The following KIAA1549L variants were observed in gnomAD, a reference collection of about 807,000 sequenced individuals.
KIAA1549L encodes KIAA1549 like, also known as UPF0606 protein KIAA1549L.
In KIAA1549L, 88 loss-of-function variants were observed where a neutral mutation model predicts 160.7. The observed-to-expected ratio is 0.55, with a 90% CI of 0.46 to 0.65. The LOEUF is 0.65. Among genes scored for constraint, KIAA1549L ranks in the 30% least tolerant of loss-of-function variants. KIAA1549L has a pLI of 0.00. For missense variants in KIAA1549L, 2,258 were observed against 2,437.5 expected, an observed-to-expected ratio of 0.93 and a Z score of 1.55; for synonymous variants, 950 against 976.7, an observed-to-expected ratio of 0.97 and a Z score of 0.51.
At chr11:33,665,912 C>T (rs897504872) in intron 20 of KIAA1549L, among the ~76,000 whole-genome samples, 9 of 152,134 alleles carry the variant, frequency 5.9e-5, no homozygotes, top group African/African-American at 2.2e-4. Flanking sequence ...GATGCCCAGT[C>T]TTGTGCCTGG....
intron 1 of KIAA1549L, among the ~76,000 whole-genome samples, chr11:33,422,541 TC>T (rs1457545962): frequency 1.8e-5 from 1 of 55,250 alleles, no homozygotes; most frequent in Non-Finnish European, 3.3e-5. Context: ...CTTTCCCCCC[TC>T]CCCCCTTCCC....
chr11:33,667,968 C>A lies in KIAA1549L; in HGVS notation c.6255C>A (p.Asn2085Lys). The A allele has an allele frequency of 6.2e-7, 1 of 1,613,968 alleles. No individual in the cohort carries two copies. The highest frequency in any genetic ancestry group is 8.5e-7 in the Non-Finnish European group (1 of 1,179,914). The change falls in exon 21 of 21, where the codon AAC becomes AAA. Residue 2085 changes from asparagine to lysine, a missense_variant. Physicochemically the swap from Asn to Lys is moderately conservative, Grantham distance 94. Coordinates refer to ENST00000658780, the MANE Select transcript of KIAA1549L (RefSeq NM_012194.3). ...RLPRQYSQPA[N>K]LHPSLEQAPA... ...CTCGTCAGTACAGCCAGCCAGCCAA[C>A]CTGCACCCCAGCCTGGAGCAGGCCC...
chr11:33,657,944 C>T (rs1852124667), intron 18 of KIAA1549L, among the ~76,000 whole-genome samples: 2 of 152,230 alleles, frequency 1.3e-5, no homozygotes, highest in African/African-American at 4.8e-5. Flanking sequence ...AGGCCTGCTG[C>T]AGCTGTCTTT....
intron 20 of KIAA1549L, among the ~76,000 whole-genome samples, chr11:33,666,410 T>TCCCC (rs1176897596): frequency 2.0e-5 from 3 of 152,104 alleles, no homozygotes; most frequent in African/African-American, 7.2e-5. Flanking sequence ...TTGCCCAGAA[T>TCCCC]CCCCCTCCCA....
In KIAA1549L at chr11:33,547,832, A is replaced by G. The variant is rs750098190; in HGVS notation, c.3454A>G (p.Thr1152Ala). Residue 1152 changes from threonine to alanine, a missense_variant, in exon 4 of 21, where the codon ACA becomes GCA. Transcript: ENST00000658780. Reference sequence around the variant, plus strand: ...GAAGTTCAGTATCGCCAAAGGGCTCACACAGGCATTGCGGAAGGCTTTCCA... The same window carrying G: ...GAAGTTCAGTATCGCCAAAGGGCTCGCACAGGCATTGCGGAAGGCTTTCCA... ...SLKFSIAKGL[T>A]QALRKAFHQN... is the part of the protein sequence containing the mutation. 1.2e-6 allele frequency: 2 copies of G among 1,613,682 alleles called. No individual in the cohort carries two copies. The highest frequency in any genetic ancestry group is 8.5e-7 in the Non-Finnish European group (1 of 1,179,718).
chr11:33,376,260 C>A lies in KIAA1549L; in HGVS notation c.-392C>A, dbSNP rs977692009. On this transcript the variant is annotated 5_prime_UTR_variant, in exon 1 of 21. Transcript: ENST00000658780. The surrounding 1 kb of genome is among the most constrained non-coding windows in gnomAD (Gnocchi z 5.8). ...CTGCAGCGGCGGCGGGAGGGAGGGA[C>A]CCGAGCGCGCCCCGCGGCCGCCACC... Among the ~76,000 whole-genome samples, 1 of 148,302 alleles carries A rather than the reference C, an allele frequency of 6.7e-6. No homozygotes were observed. The highest frequency in any genetic ancestry group is 2.4e-5 in the African/African-American group (1 of 40,850).
At chr11:33,432,900 G>A (rs1241709810) in intron 1 of KIAA1549L, among the ~76,000 whole-genome samples, 1 of 152,132 alleles carries the variant, frequency 6.6e-6, no homozygotes, top group Non-Finnish European at 1.5e-5. Context: ...ACTGAAACTG[G>A]ACCCCTTCCT....
intron 1 of KIAA1549L, among the ~76,000 whole-genome samples, chr11:33,447,945 G>A (rs1435169442): frequency 1.3e-5 from 2 of 152,162 alleles, no homozygotes; most frequent in Non-Finnish European, 2.9e-5. Context: ...GTTCTCATGA[G>A]CAAAGGAGTG....
At position 33,574,790 on chromosome 11, in the gene KIAA1549L, C is replaced by T. The variant is rs760625170; in HGVS notation, c.4319C>T (p.Thr1440Ile). 5.6e-6 allele frequency: 9 copies of T among 1,613,890 alleles called. No individual in the cohort carries two copies. The East Asian group carries it at 2.0e-4, about 36-fold the overall frequency. Reference sequence around the variant, plus strand: ...TACAACGGGAAGCCTTTGTTGGGGACCGCAGCTGCCAAGATCCTGAGCACC... The same window carrying T: ...TACAACGGGAAGCCTTTGTTGGGGATCGCAGCTGCCAAGATCCTGAGCACC... ...TLYNGKPLLG[T>I]AAAKILSTID... The change falls in exon 10 of 21, where the codon ACC becomes ATC. Residue 1440 changes from threonine to isoleucine, a missense_variant. By Grantham distance (89) the Thr-to-Ile change is moderately conservative. Transcript: ENST00000658780.
At chr11:33,513,753 G>T (rs895377788) in intron 1 of KIAA1549L, among the ~76,000 whole-genome samples, 2 of 152,148 alleles carry the variant, frequency 1.3e-5, no homozygotes, top group Admixed American at 1.3e-4. Flanking sequence ...TTCACTCTTG[G>T]GCCAGTTGGC....
chr11:33,443,945 T>C (rs1416552156), intron 1 of KIAA1549L, among the ~76,000 whole-genome samples: 1 of 152,198 alleles, frequency 6.6e-6, no homozygotes, highest in African/African-American at 2.4e-5. Context: ...TTCTCATCTG[T>C]ATTTGAAAAG....
chr11:33,583,238 T>C (rs1223786535), intron 10 of KIAA1549L, 100 bp from the exon 11 acceptor site: 2 of 1,146,218 alleles, frequency 1.7e-6, no homozygotes, highest in Non-Finnish European at 2.5e-6. Context: ...CCCACGTCCT[T>C]CTGTCCAGGA....
chr11:33,644,253 A>AT (rs920812696), intron 16 of KIAA1549L, among the ~76,000 whole-genome samples: 3 of 152,158 alleles, frequency 2.0e-5, no homozygotes, highest in Non-Finnish European at 4.4e-5. Context: ...GAAACGTGTA[A>AT]TTTTTTTGTG....
chr11:33,652,172 C>T (rs975015770), intron 17 of KIAA1549L, among the ~76,000 whole-genome samples: 3 of 151,708 alleles, frequency 2.0e-5, no homozygotes, highest in African/African-American at 4.8e-5. Flanking sequence ...GCAACAGTTT[C>T]GTGCAATAGC....
rs1189230265 is a variant in KIAA1549L at position 33,609,270 on chromosome 11, C to T, written c.5062-479C>T. On this transcript the variant is annotated intron_variant, in intron 14 of 20. Transcript: ENST00000658780. The stretch of plus-strand genomic sequence containing the variant: ...CATTGGGAGCAGCTGCTTCCCCTTC[C>T]ACCCTGTCCGTCCCAGCTCAGCCTC... Among the ~76,000 whole-genome samples the T allele has an allele frequency of 2.0e-5, 3 of 152,230 alleles. No individual in the cohort carries two copies. In the South Asian group the frequency reaches 6.2e-4, roughly 32 times the overall value.
At chr11:33,522,906 A>C (rs1368954178) in intron 1 of KIAA1549L, among the ~76,000 whole-genome samples, 2 of 151,794 alleles carry the variant, frequency 1.3e-5, no homozygotes, top group Non-Finnish European at 2.9e-5. Context: ...CTCTCAAAAA[A>C]AAAAAAATAT....
rs200192353 is a variant in KIAA1549L, at chr11:33,647,984, C to CCTTTTCTTTT, written c.5760+1961_5760+1970dup. On this transcript the variant is annotated intron_variant, in intron 17 of 20. Coordinates refer to ENST00000658780, the MANE Select transcript of KIAA1549L (RefSeq NM_012194.3). ...AGATGGGTCATCAAACCAGAACTAA[C>CCTTTTCTTTT]CTTTTCTTTTCTTTTCTTTTCTGAG... is the stretch of plus-strand genomic sequence containing the variant. 1.6e-4 allele frequency among the ~76,000 whole-genome samples: 24 copies of CCTTTTCTTTT among 151,918 alleles called. No homozygotes were observed. The South Asian group carries it at 1.7e-3, about 11-fold the overall frequency.
At chr11:33,527,911 G>A (rs1371027978) in intron 1 of KIAA1549L, among the ~76,000 whole-genome samples, 1 of 152,148 alleles carries the variant, frequency 6.6e-6, no homozygotes, top group Admixed American at 6.5e-5. Context: ...TGTGTCATGG[G>A]AGGAACCTGC....
chr11:33,667,146 A>C (rs552259439), intron 20 of KIAA1549L, among the ~76,000 whole-genome samples: 165 of 152,312 alleles, frequency 1.1e-3, no homozygotes, highest in African/African-American at 3.7e-3. Flanking sequence ...GCAGTGAGCT[A>C]TGATTGTACC....
Sources: allele counts gnomAD v4.1 joint callset (sites outside exome capture counted in the v4.1 genomes callset), GRCh38; gene constraint gnomAD v4.1.1; non-coding constraint Gnocchi (gnomAD v3.1); transcripts MANE v1.5; gene names NCBI Gene and HGNC (gene_info 2026-07-23, HGNC 2026-07-21).